The following CNTNAP2 variants were observed in gnomAD, a reference collection of about 807,000 sequenced individuals.
CNTNAP2 encodes the protein contactin-associated protein-like 2.
In CNTNAP2, 98 loss-of-function variants were observed where a neutral mutation model predicts 155.2. The observed-to-expected ratio is 0.63, with a 90% CI of 0.54 to 0.75. CNTNAP2 has a LOEUF of 0.75. Ranked by LOEUF, CNTNAP2 falls within the 30% of genes least tolerant of loss-of-function variation. CNTNAP2 has a pLI of 0.00. For synonymous variants in CNTNAP2, 651 were observed against 631.2 expected (o/e 1.03, Z -0.47); for missense variants, 1,727 against 1,688.1 (o/e 1.02, Z -0.40).
chr7:146,856,302 A>G (rs533236545), intron 3 of CNTNAP2, among the ~76,000 whole-genome samples: 52 of 118,904 alleles, frequency 4.4e-4, no homozygotes, highest in African/African-American at 1.9e-3. Flanking sequence ...AGATAGATAC[A>G]TACATACATA....
At chr7:148,327,244 G>A (rs1315852481) in intron 21 of CNTNAP2, among the ~76,000 whole-genome samples, 1 of 152,186 alleles carries the variant, frequency 6.6e-6, no homozygotes, top group East Asian at 1.9e-4. Context: ...GGACGCCTGA[G>A]TCTATGTGCC....
chr7:147,275,770 T>C (rs2116714756), intron 8 of CNTNAP2, among the ~76,000 whole-genome samples: 1 of 152,256 alleles, frequency 6.6e-6, no homozygotes, highest in Non-Finnish European at 1.5e-5. Flanking sequence ...CTTTCAACTT[T>C]TCCTCATTCA....
intron 1 of CNTNAP2, among the ~76,000 whole-genome samples, chr7:146,500,640 T>C (rs1036316916): frequency 6.6e-6 from 1 of 152,174 alleles, no homozygotes; most frequent in Non-Finnish European, 1.5e-5. Context: ...TCCAAAGACG[T>C]GTCTGTGAGA....
chr7:147,794,591 A>G (rs1357731089), intron 13 of CNTNAP2, among the ~76,000 whole-genome samples: 1 of 150,070 alleles, frequency 6.7e-6, no homozygotes, highest in Admixed American at 6.7e-5. Flanking sequence ...AGATTTCAGT[A>G]TGATTTTTTT....
chr7:147,566,592 G>A (rs1007865123), intron 12 of CNTNAP2, among the ~76,000 whole-genome samples: 1 of 152,110 alleles, frequency 6.6e-6, no homozygotes, highest in Non-Finnish European at 1.5e-5. Context: ...AAGGCGGCAG[G>A]AGAGAGCATG....
intron 21 of CNTNAP2, among the ~76,000 whole-genome samples, chr7:148,366,922 A>G (rs1798793061): frequency 6.6e-6 from 1 of 152,230 alleles, no homozygotes. Context: ...TTCCCAGCCA[A>G]GCTTCAAGCC....
At chr7:147,341,935 C>A (rs1584885705) in intron 9 of CNTNAP2, among the ~76,000 whole-genome samples, 1 of 152,138 alleles carries the variant, frequency 6.6e-6, no homozygotes, top group Admixed American at 6.6e-5. Context: ...TTGCCATAGA[C>A]CATGAGGCTT....
At chr7:148,208,988 G>A (rs1181590438) in intron 18 of CNTNAP2, among the ~76,000 whole-genome samples, 1 of 151,888 alleles carries the variant, frequency 6.6e-6, no homozygotes, top group Non-Finnish European at 1.5e-5. Context: ...CTTCTCCCAG[G>A]GAATTCTATC....
intron 1 of CNTNAP2, among the ~76,000 whole-genome samples, chr7:146,147,413 G>A (rs1797972784): frequency 6.6e-6 from 1 of 152,116 alleles, no homozygotes; most frequent in Non-Finnish European, 1.5e-5. Flanking sequence ...GCCATTATAG[G>A]TGGATGGCTG....
At chr7:146,316,560 A>C (rs751553971) in intron 1 of CNTNAP2, among the ~76,000 whole-genome samples, 6 of 152,122 alleles carry the variant, frequency 3.9e-5, no homozygotes, top group African/African-American at 9.7e-5. Flanking sequence ...TATTAAAAAA[A>C]ATTATGTCAT....
chr7:146,274,144 A>G (rs1800127756), intron 1 of CNTNAP2, among the ~76,000 whole-genome samples: 1 of 152,204 alleles, frequency 6.6e-6, no homozygotes, highest in African/African-American at 2.4e-5. Flanking sequence ...CTAAAGGCCC[A>G]TTAAAATTCT....
intron 3 of CNTNAP2, among the ~76,000 whole-genome samples, chr7:146,914,619 GTCCTTAGCTCACTTTT>G (rs1194006027): frequency 6.6e-6 from 1 of 151,978 alleles, no homozygotes; most frequent in Non-Finnish European, 1.5e-5. Context: ...GTATATTCAT[GTCCTTAGCTCACTTTT>G]TGGTGGGATT....
At chr7:146,370,167 C>T (rs114123012) in intron 1 of CNTNAP2, among the ~76,000 whole-genome samples, 4,892 of 149,230 alleles carry the variant, frequency 0.033, 274 homozygotes, top group African/African-American at 0.12. Context: ...CGACTGTAAT[C>T]CCAGCACTTT....
intron 20 of CNTNAP2, among the ~76,000 whole-genome samples, chr7:148,260,572 G>A (rs150102034): frequency 2.0e-5 from 3 of 152,296 alleles, no homozygotes; most frequent in African/African-American, 4.8e-5. Flanking sequence ...TGAGTCAAAC[G>A]GGAGCTGGAA....
At chr7:147,475,985 A>C (rs1345989979) in intron 10 of CNTNAP2, among the ~76,000 whole-genome samples, 1 of 152,184 alleles carries the variant, frequency 6.6e-6, no homozygotes, top group Non-Finnish European at 1.5e-5. Flanking sequence ...CACCAATATT[A>C]GTTTATATTT....
chr7:146,943,906 C>T (rs1270349057), intron 3 of CNTNAP2, among the ~76,000 whole-genome samples: 2 of 152,164 alleles, frequency 1.3e-5, no homozygotes, highest in South Asian at 2.1e-4. Flanking sequence ...ATACTGACAA[C>T]ACCAGCTCAC....
rs146305644 is a variant in CNTNAP2 at position 146,744,269 on chromosome 7, A to G, written c.98-30002A>G. 5.4e-4 allele frequency among the ~76,000 whole-genome samples: 82 copies of G among 151,730 alleles called. 2 individuals are homozygous for G. The highest frequency in any genetic ancestry group is 4.1e-4 in the African/African-American group (17 of 41,304). The stretch of plus-strand genomic sequence containing the variant: ...AAAAAAAAGCATTTAGATTTAAATA[A>G]CATTTAATGAGAAAATGAACAACCT... On this transcript the variant is annotated intron_variant, in intron 1 of 23. Coordinates refer to ENST00000361727, the MANE Select transcript of CNTNAP2 (RefSeq NM_014141.6).
intron 15 of CNTNAP2, among the ~76,000 whole-genome samples, chr7:148,046,593 G>GTGGC (rs1182163607): frequency 6.6e-6 from 1 of 152,126 alleles, no homozygotes; most frequent in Non-Finnish European, 1.5e-5. Context: ...GCTAGTGTAG[G>GTGGC]TGGCTATATC....
chr7:148,363,531 G>A (rs1002231534), intron 21 of CNTNAP2, among the ~76,000 whole-genome samples: 1 of 152,200 alleles, frequency 6.6e-6, no homozygotes, highest in East Asian at 1.9e-4. Context: ...GGGTTTACTG[G>A]GATGTAGCCC....
Sources: allele counts gnomAD v4.1 joint callset (sites outside exome capture counted in the v4.1 genomes callset), GRCh38; gene constraint gnomAD v4.1.1; transcripts MANE v1.5; gene names NCBI Gene and HGNC (gene_info 2026-07-23, HGNC 2026-07-21).